Variants in PDE4B observed in about 807,000 individuals in gnomAD.
PDE4B encodes the protein phosphodiesterase 4B, also known as 3',5'-cyclic-AMP phosphodiesterase 4B.
PDE4B carries 20 observed loss-of-function variants against 82.2 expected under a neutral mutation model. The ratio of observed to expected loss-of-function variants is 0.24; its 90% CI spans 0.17 to 0.35. The LOEUF (loss-of-function observed/expected upper bound fraction) is 0.35. Among genes scored for constraint, PDE4B ranks in the 10% least tolerant of loss-of-function variants. The probability of loss-of-function intolerance (pLI) is 1.00; values close to 1 mark genes in which losing one functional copy is unlikely to be tolerated. For synonymous variants in PDE4B, 320 were observed against 318.9 expected, an observed-to-expected ratio of 1.00 and a Z score of -0.04; for missense variants, 655 against 907.2, an observed-to-expected ratio of 0.72 and a Z score of 3.57.
intron 8 of PDE4B, among the ~76,000 whole-genome samples, chr1:66,344,970 G>T (rs1023459613): frequency 2.0e-5 from 3 of 152,182 alleles, no homozygotes; most frequent in African/African-American, 7.2e-5. Flanking sequence ...AGTTATAGCT[G>T]TTTCTTATTT....
chr1:66,130,334 T>C (rs1645915238), intron 3 of PDE4B, among the ~76,000 whole-genome samples: 1 of 152,254 alleles, frequency 6.6e-6, no homozygotes, highest in Non-Finnish European at 1.5e-5. Flanking sequence ...AAAACGTTCA[T>C]TCATTTATTC....
intron 10 of PDE4B, 58 bp downstream of exon 10, chr1:66,361,851 C>T (rs1242329864): frequency 7.5e-7 from 1 of 1,332,948 alleles, no homozygotes; most frequent in African/African-American, 1.5e-5. Flanking sequence ...AGACGGATGA[C>T]CGTATACCTT....
chr1:65,830,399 C>T (rs968679632), intron 1 of PDE4B, among the ~76,000 whole-genome samples: 10 of 152,014 alleles, frequency 6.6e-5, no homozygotes, highest in African/African-American at 2.2e-4. Flanking sequence ...ATTGAATCTG[C>T]AAAAGGAAAT....
chr1:65,813,762 T>A (rs1200156777), intron 1 of PDE4B, among the ~76,000 whole-genome samples: 1 of 152,126 alleles, frequency 6.6e-6, no homozygotes, highest in Non-Finnish European at 1.5e-5. Context: ...TTCAGGGTAT[T>A]TTTTTCTTTG....
chr1:65,892,329 A>T (rs894525636), intron 1 of PDE4B, among the ~76,000 whole-genome samples: 5 of 152,028 alleles, frequency 3.3e-5, no homozygotes, highest in African/African-American at 1.2e-4. Context: ...AGAGCACACA[A>T]CTTAAATATT....
intron 3 of PDE4B, among the ~76,000 whole-genome samples, chr1:66,165,581 A>G (rs1379558105): frequency 6.6e-6 from 1 of 152,190 alleles, no homozygotes; most frequent in Non-Finnish European, 1.5e-5. Flanking sequence ...ATACAAATCA[A>G]TTGTAATTCT....
chr1:66,129,523 A>G (rs558108579), intron 3 of PDE4B, among the ~76,000 whole-genome samples: 103 of 150,508 alleles, frequency 6.8e-4, no homozygotes, highest in Admixed American at 1.3e-3. Context: ...AGCCGGGCGT[A>G]GTGGCGGGCG....
rs568824896 is a variant in PDE4B, at chr1:65,925,862, T to A, written c.281+7027T>A. Among the ~76,000 whole-genome samples, 213 of 152,300 alleles carry A rather than the reference T, an allele frequency of 1.4e-3. 2 individuals are homozygous for A. Among genetic ancestry groups the A allele is most frequent in the African/African-American group, 4.8e-3 (199 of 41,566 alleles). On this transcript the variant is annotated intron_variant, in intron 3 of 16. Transcript: ENST00000341517. ...GTTTCTCAATCATCTAGCTGAAACATGATCATAATCTGTTAAGGTCCACTG... is the reference window on the plus strand; with the variant it reads ...GTTTCTCAATCATCTAGCTGAAACAAGATCATAATCTGTTAAGGTCCACTG...
intron 1 of PDE4B, among the ~76,000 whole-genome samples, chr1:65,811,014 C>T (rs1645813391): frequency 6.6e-6 from 1 of 152,154 alleles, no homozygotes; most frequent in South Asian, 2.1e-4. Context: ...TTAACAGCAT[C>T]CCTGGCCTCT....
At chr1:65,881,116 C>G (rs1646703199) in intron 1 of PDE4B, among the ~76,000 whole-genome samples, 1 of 152,196 alleles carries the variant, frequency 6.6e-6, no homozygotes, top group African/African-American at 2.4e-5. Flanking sequence ...GCCTGTACCT[C>G]TATAAAATGT....
At chr1:65,925,445 C>G (rs1311202446) in intron 3 of PDE4B, among the ~76,000 whole-genome samples, 1 of 152,140 alleles carries the variant, frequency 6.6e-6, no homozygotes, top group East Asian at 1.9e-4. Context: ...AAATTGGACA[C>G]AACCACAAAA....
At chr1:66,219,581 T>TGGTC (rs1650794720) in intron 3 of PDE4B, among the ~76,000 whole-genome samples, 2 of 152,182 alleles carry the variant, frequency 1.3e-5, no homozygotes, top group Non-Finnish European at 2.9e-5. Flanking sequence ...TACCTTTGGA[T>TGGTC]TCTGCACCAT....
At chr1:66,102,802 A>T (rs2101026000) in intron 3 of PDE4B, among the ~76,000 whole-genome samples, 1 of 152,230 alleles carries the variant, frequency 6.6e-6, no homozygotes, top group South Asian at 2.1e-4. Context: ...ACAGGAAATT[A>T]ATAACAGGCA....
At chr1:65,891,902 G>A (rs1413139943) in intron 1 of PDE4B, among the ~76,000 whole-genome samples, 1 of 152,006 alleles carries the variant, frequency 6.6e-6, no homozygotes, top group African/African-American at 2.4e-5. Context: ...GTCATTAATA[G>A]AATTGGATAC....
At chr1:65,850,759 T>C (rs1387167454) in intron 1 of PDE4B, among the ~76,000 whole-genome samples, 1 of 152,232 alleles carries the variant, frequency 6.6e-6, no homozygotes, top group African/African-American at 2.4e-5. Context: ...TCAGTCTGTA[T>C]CTTGCCTTTG....
At chr1:66,223,354 G>A (rs998536343) in intron 3 of PDE4B, among the ~76,000 whole-genome samples, 1 of 152,132 alleles carries the variant, frequency 6.6e-6, no homozygotes, top group African/African-American at 2.4e-5. Context: ...TTAAGGAAAA[G>A]GCTGTATTTA....
At chr1:66,354,655 G>A in intron 8 of PDE4B, 1 of 1,396,252 alleles carries the variant, frequency 7.2e-7, no homozygotes, top group South Asian at 1.7e-5. Context: ...CTTCTTGCAA[G>A]AATGGAGTGC....
At chr1:65,855,091 T>C (rs1646376371) in intron 1 of PDE4B, among the ~76,000 whole-genome samples, 1 of 151,314 alleles carries the variant, frequency 6.6e-6, no homozygotes, top group South Asian at 2.1e-4. Context: ...TAAATTTTCC[T>C]TAATATTAAG....
intron 3 of PDE4B, among the ~76,000 whole-genome samples, chr1:66,131,896 A>G (rs1240005503): frequency 2.0e-5 from 3 of 151,902 alleles, no homozygotes; most frequent in Non-Finnish European, 2.9e-5. Context: ...TGAGGTTTCA[A>G]CCACTTCAGG....
Sources: gnomAD v4.1 joint callset for allele counts (sites outside exome capture counted in the v4.1 genomes callset) on GRCh38, gnomAD v4.1.1 for gene constraint, MANE v1.5 for transcripts, NCBI Gene and HGNC (gene_info 2026-07-23, HGNC 2026-07-21) for gene names.